Variants in CFAP61 observed in about 807,000 individuals in gnomAD.
CFAP61 encodes cilia- and flagella-associated protein 61.
CFAP61 carries 107 observed loss-of-function variants against 135.6 expected under a neutral mutation model. The ratio of observed to expected loss-of-function variants is 0.79; its 90% CI spans 0.67 to 0.93. The LOEUF is 0.93. Among genes scored for constraint, CFAP61 ranks in the 40% least tolerant of loss-of-function variants. The probability of loss-of-function intolerance (pLI) is 0.00; values close to 1 mark genes in which losing one functional copy is unlikely to be tolerated. For missense variants in CFAP61, 1,507 were observed against 1,556.2 expected (o/e 0.97, Z 0.53); for synonymous variants, 575 against 578.5 (o/e 0.99, Z 0.09).
At chr20:20,099,182 A>C (rs1316142691) in intron 8 of CFAP61, among the ~76,000 whole-genome samples, 1 of 151,976 alleles carries the variant, frequency 6.6e-6, no homozygotes, top group African/African-American at 2.4e-5. Flanking sequence ...GAATTTTTCA[A>C]ATCAAGAACT....
Position 20,164,133 on chromosome 20 carries a change from G to A in CFAP61, c.1110G>A (p.Leu370=). The A allele has an allele frequency of 6.2e-7, 1 of 1,614,064 alleles. No homozygotes were observed. The highest frequency in any genetic ancestry group is 8.5e-7 in the Non-Finnish European group (1 of 1,179,954). Residue 370 remains leucine (L), a synonymous_variant, in exon 11 of 27, where the codon CTG becomes CTA. Transcript: ENST00000245957. ...GTAGGAGCTTGGCATCGCTCGTACT[G>A]CCTGAAGAGCCCGTCCACTTCCGCC... The part of the protein sequence containing the change: ...VSSRSLASLV[L]PEEPVHFRPI...
At chr20:20,265,717 AG>A (rs1187934588) in intron 21 of CFAP61, 1 of 497,678 alleles carries the variant, frequency 2.0e-6, no homozygotes, top group East Asian at 3.3e-5. Flanking sequence ...AAGCTCTGGG[AG>A]CCTTCAGGGA....
intron 17 of CFAP61, among the ~76,000 whole-genome samples, chr20:20,202,522 A>G (rs1285522774): frequency 6.6e-6 from 1 of 152,230 alleles, no homozygotes; most frequent in African/African-American, 2.4e-5. Context: ...ATGCTAAATT[A>G]TATTATTAAA....
intron 17 of CFAP61, 71 bp downstream of exon 17, chr20:20,199,973 G>T: frequency 6.5e-7 from 1 of 1,548,318 alleles, no homozygotes. Flanking sequence ...GGGTGGCAGT[G>T]CTGTCTTCAC....
At chr20:20,113,820 G>A (rs1051763300) in intron 8 of CFAP61, among the ~76,000 whole-genome samples, 1 of 152,020 alleles carries the variant, frequency 6.6e-6, no homozygotes, top group Admixed American at 6.6e-5. Flanking sequence ...GGGATTCTCT[G>A]TTCTATTTGT....
intron 18 of CFAP61, among the ~76,000 whole-genome samples, chr20:20,242,487 T>G (rs563336157): frequency 1.1e-4 from 16 of 152,346 alleles, no homozygotes; most frequent in African/African-American, 3.8e-4. Context: ...GAGGGAGTAT[T>G]GTGGGTGCCT....
chr20:20,122,273 C>T (rs539023942), intron 8 of CFAP61, among the ~76,000 whole-genome samples: 121 of 152,166 alleles, frequency 8.0e-4, no homozygotes, highest in African/African-American at 1.8e-3. Context: ...CCTGCCTCAG[C>T]CTCTCCCGAG....
intron 7 of CFAP61, among the ~76,000 whole-genome samples, chr20:20,096,482 G>C (rs2047579323): frequency 6.6e-6 from 1 of 152,220 alleles, no homozygotes; most frequent in African/African-American, 2.4e-5. Context: ...TGAGCCATTA[G>C]TGTAATAGCT....
At chr20:20,309,720 T>A (rs1184624371) in intron 25 of CFAP61, among the ~76,000 whole-genome samples, 1 of 152,170 alleles carries the variant, frequency 6.6e-6, no homozygotes, top group African/African-American at 2.4e-5. Flanking sequence ...AAAAAAAAAT[T>A]ATGTTTGGGA....
chr20:20,132,316 T>C (rs2050597161), intron 8 of CFAP61, among the ~76,000 whole-genome samples: 1 of 152,152 alleles, frequency 6.6e-6, no homozygotes, highest in Non-Finnish European at 1.5e-5. Flanking sequence ...ACATTTTCTT[T>C]ATCCATCCAG....
chr20:20,329,575 A>G (rs1396440488), intron 25 of CFAP61, among the ~76,000 whole-genome samples: 1 of 152,166 alleles, frequency 6.6e-6, no homozygotes. Flanking sequence ...CCTGTTCTGA[A>G]CCATAAATAG....
intron 25 of CFAP61, among the ~76,000 whole-genome samples, chr20:20,314,636 C>G (rs1268881536): frequency 7.0e-6 from 1 of 143,826 alleles, no homozygotes; most frequent in East Asian, 2.0e-4. Context: ...GCTGCACCCA[C>G]TAACTCGTCA....
At chr20:20,077,360 A>T (rs1157887161) in intron 6 of CFAP61, among the ~76,000 whole-genome samples, 1 of 152,258 alleles carries the variant, frequency 6.6e-6, no homozygotes, top group East Asian at 1.9e-4. Context: ...GATATACAAA[A>T]TGGGTGAAAA....
At chr20:20,277,869 A>C (rs1244814323) in intron 22 of CFAP61, among the ~76,000 whole-genome samples, 2 of 152,096 alleles carry the variant, frequency 1.3e-5, no homozygotes, top group African/African-American at 4.8e-5. Flanking sequence ...GAACACTTAG[A>C]AGTGGCCCCT....
chr20:20,132,670 G>C (rs1410651537), intron 8 of CFAP61, among the ~76,000 whole-genome samples: 1 of 151,700 alleles, frequency 6.6e-6, no homozygotes, highest in South Asian at 2.1e-4. Flanking sequence ...TTTCATTATA[G>C]ATTTTAAGTC....
intron 24 of CFAP61, among the ~76,000 whole-genome samples, chr20:20,294,941 A>AATAATAATAATG (rs1251956662): frequency 3.0e-5 from 3 of 100,414 alleles, no homozygotes; most frequent in African/African-American, 1.3e-4. Flanking sequence ...TCTCAAAAAT[A>AATAATAATAATG]ATAATAATAA....
chr20:20,118,316 T>C (rs932529464), intron 8 of CFAP61, among the ~76,000 whole-genome samples: 28 of 150,406 alleles, frequency 1.9e-4, no homozygotes, highest in Non-Finnish European at 2.7e-4. Flanking sequence ...TTTTCTTTCT[T>C]TCTGTCTCTC....
chr20:20,072,367 G>A (rs1343679632), intron 3 of CFAP61, among the ~76,000 whole-genome samples: 3 of 151,680 alleles, frequency 2.0e-5, no homozygotes, highest in Admixed American at 6.6e-5. Flanking sequence ...CACCTGCCTC[G>A]GCCTCCCAAA....
At chr20:20,176,475 A>G (rs1458867649) in intron 13 of CFAP61, among the ~76,000 whole-genome samples, 2 of 152,250 alleles carry the variant, frequency 1.3e-5, no homozygotes, top group Non-Finnish European at 2.9e-5. Context: ...GACTGGATAA[A>G]GAAAATGTGA....
Sources: gnomAD v4.1 joint callset for allele counts (sites outside exome capture counted in the v4.1 genomes callset) on GRCh38, gnomAD v4.1.1 for gene constraint, MANE v1.5 for transcripts, NCBI Gene and HGNC (gene_info 2026-07-23, HGNC 2026-07-21) for gene names.